Variants in FBXO45 observed in about 807,000 individuals in gnomAD.
FBXO45 encodes the protein F-box protein 45.
Under a neutral mutation model 25.5 loss-of-function variants are expected in FBXO45, and 3 were observed. The observed-to-expected ratio is 0.12, with a 90% CI of 0.05 to 0.30. The LOEUF (loss-of-function observed/expected upper bound fraction) is 0.30. Among genes scored for constraint, FBXO45 ranks in the 10% least tolerant of loss-of-function variants. The probability of loss-of-function intolerance (pLI) is 1.00; values close to 1 mark genes in which losing one functional copy is unlikely to be tolerated. For missense variants in FBXO45, 219 were observed against 365.0 expected (o/e 0.60, Z 3.26); for synonymous variants, 155 against 149.8 (o/e 1.03, Z -0.25).
At position 196,569,256 on chromosome 3, in the gene FBXO45, C is replaced by G; in HGVS notation, c.272C>G (p.Ala91Gly). Residue 91 changes from alanine to glycine, a missense_variant, in exon 1 of 3, where the codon GCT (alanine) becomes GGT (glycine). By Grantham distance (60) the Ala-to-Gly change is moderately conservative (BLOSUM62 0). This residue lies in a region of FBXO45 where 138 missense variants were observed against 157.3 expected (regional missense o/e 0.88). Coordinates refer to ENST00000311630, the MANE Select transcript of FBXO45 (RefSeq NM_001105573.2). The surrounding 1 kb of genome is among the most constrained non-coding windows in gnomAD (Gnocchi z 4.1). Reference sequence around the variant, plus strand: ...TGCGCCCGCAGCCTGGCAGAAGAGGCTCTGCGCACGGACATCCTGTGCAAC... The same window carrying G: ...TGCGCCCGCAGCCTGGCAGAAGAGGGTCTGCGCACGGACATCCTGTGCAAC... ...SLCARSLAEE[A>G]LRTDILCNLP... The G allele has an allele frequency of 6.3e-7, 1 of 1,585,688 alleles. No individual in the cohort carries two copies.
At chr3:196,575,968 C>T (rs1031499852) in intron 1 of FBXO45, among the ~76,000 whole-genome samples, 5 of 152,200 alleles carry the variant, frequency 3.3e-5, no homozygotes, top group Middle Eastern at 3.2e-3. Flanking sequence ...TGAGCCACCG[C>T]GCCCGGCCCC....
chr3:196,577,401 AT>A, intron 1 of FBXO45, 51 bp from the exon 2 acceptor site: 1 of 1,339,170 alleles, frequency 7.5e-7, no homozygotes, highest in African/African-American at 1.5e-5. Flanking sequence ...AATTTTTAAT[AT>A]TTAAGAAAAA....
In FBXO45 at chr3:196,569,273, C is replaced by A; in HGVS notation, c.289C>A (p.Leu97Met). Residue 97 changes from leucine to methionine, a missense_variant, in exon 1 of 3, where the codon CTG becomes ATG. Physicochemically the swap from Leu to Met is conservative, Grantham distance 15. Coordinates refer to ENST00000311630, the MANE Select transcript of FBXO45 (RefSeq NM_001105573.2). The surrounding 1 kb of genome is among the most constrained non-coding windows in gnomAD (Gnocchi z 4.1). ...AGAAGAGGCTCTGCGCACGGACATC[C>A]TGTGCAACCTGCCCAGCTACAAGGC... ...LAEEALRTDI[L>M]CNLPSYKAKI... The A allele has an allele frequency of 1.3e-6, 2 of 1,576,574 alleles. No homozygotes were observed. The highest frequency in any genetic ancestry group is 1.7e-6 in the Non-Finnish European group (2 of 1,160,352).
At chr3:196,570,712 C>CTTTTTTTTTTTTTT (rs71161937) in intron 1 of FBXO45, among the ~76,000 whole-genome samples, 1 of 99,864 alleles carries the variant, frequency 1.0e-5, no homozygotes, top group Non-Finnish European at 2.2e-5. Context: ...TTTCTTTTTT[C>CTTTTTTTTTTTTTT]TTTTTTTTTT....
rs555537885 is a variant in FBXO45, at chr3:196,588,633, ATTAT to A, written c.*4321_*4324del. The A allele has an allele frequency of 2.5e-4, 38 of 152,210 alleles. No homozygotes were observed. Among genetic ancestry groups the A allele is most frequent in the Non-Finnish European group, 4.9e-4 (33 of 68,002 alleles). 9.4% of individuals were successfully genotyped at this position (152,210 alleles called of 1,614,324 possible). ...ATACCTTGTTTAAAATTATTTATTG[ATTAT>A]TTATTGGTGTCATATCGCCCCTAAA... On this transcript the variant is annotated 3_prime_UTR_variant, in exon 3 of 3. Coordinates refer to ENST00000311630, the MANE Select transcript of FBXO45 (RefSeq NM_001105573.2). This position sits in a 1 kb window ranked among gnomAD's most constrained non-coding sequence, Gnocchi z 4.2.
chr3:196,582,082 C>T lies in FBXO45; in HGVS notation c.676-2051C>T, dbSNP rs1007892712. 2.0e-5 allele frequency among the ~76,000 whole-genome samples: 3 copies of T among 152,144 alleles called. No individual in the cohort carries two copies. The East Asian group carries it at 5.8e-4, about 29-fold the overall frequency. ...CTTCTGGAGTTCCTCCTCTAAGTTT[C>T]CAGTTGCTCTGCCATCTCCCCACGT... On this transcript the variant is annotated intron_variant, in intron 2 of 2. Coordinates refer to ENST00000311630, the MANE Select transcript of FBXO45 (RefSeq NM_001105573.2).
At chr3:196,570,705 CTTTTTTCTTTTTTTT>C (rs1277846197) in intron 1 of FBXO45, among the ~76,000 whole-genome samples, 1 of 136,322 alleles carries the variant, frequency 7.3e-6, no homozygotes, top group Non-Finnish European at 1.5e-5. Context: ...TTTCTCTTTT[CTTTTTTCTTTTTTTT>C]TTTTTTTTTG....
At chr3:196,572,780 ATAGG>A (rs1735849544) in intron 1 of FBXO45, among the ~76,000 whole-genome samples, 2 of 152,208 alleles carry the variant, frequency 1.3e-5, no homozygotes, top group East Asian at 3.8e-4. Context: ...CAATTAGGAA[ATAGG>A]TAGTGGAGGA....
chr3:196,578,139 C>G (rs148562390), intron 2 of FBXO45, among the ~76,000 whole-genome samples: 29 of 149,738 alleles, frequency 1.9e-4, no homozygotes, highest in African/African-American at 6.1e-4. Flanking sequence ...CTCCCAGGTT[C>G]AAGCAATTCT....
intron 1 of FBXO45, among the ~76,000 whole-genome samples, chr3:196,570,479 C>T (rs1165159802): frequency 6.6e-6 from 1 of 152,058 alleles, no homozygotes; most frequent in Non-Finnish European, 1.5e-5. Context: ...TCAGGTGATC[C>T]GCCCTCCTCG....
Position 196,569,869 on chromosome 3 carries a change from A to C in FBXO45, c.318+567A>C, listed in dbSNP as rs778032571. ...GTCATCCTGCTCACTTACAAGATAC[A>C]GGCTTTTATAGAACGTCCACGGGCA... On this transcript the variant is annotated intron_variant, in intron 1 of 2. Coordinates refer to ENST00000311630, the MANE Select transcript of FBXO45 (RefSeq NM_001105573.2). This position sits in a 1 kb window ranked among gnomAD's most constrained non-coding sequence, Gnocchi z 4.1. Among the ~76,000 whole-genome samples the C allele has an allele frequency of 2.6e-5, 4 of 152,316 alleles. No individual in the cohort carries two copies. Among genetic ancestry groups the C allele is most frequent in the Non-Finnish European group, 4.4e-5 (3 of 68,034 alleles).
At chr3:196,573,274 A>G (rs768694998) in intron 1 of FBXO45, among the ~76,000 whole-genome samples, 3 of 152,214 alleles carry the variant, frequency 2.0e-5, no homozygotes, top group Non-Finnish European at 2.9e-5. Context: ...CGCTAAAGAT[A>G]TAAAATAATA....
rs1736149482 is a variant in FBXO45 at position 196,587,158 on chromosome 3, T to G, written c.*2840T>G. On this transcript the variant is annotated 3_prime_UTR_variant, in exon 3 of 3. Transcript: ENST00000311630. ...AAGCAGACGTTACTATTATCCCTAC[T>G]ATGGTCTTCTGTCATACTGAGACAG... is the stretch of plus-strand genomic sequence containing the variant. 6.6e-6 allele frequency: 1 copy of G among 152,202 alleles called. No homozygotes were observed. The highest frequency in any genetic ancestry group is 1.5e-5 in the Non-Finnish European group (1 of 68,020). The allele number at this position is 152,202 out of a possible 1,614,324, so 9.4% of individuals were successfully genotyped here. A position where few individuals can be genotyped will look rare whatever the true frequency, so the allele number is the denominator to read the frequency against.
intron 1 of FBXO45, among the ~76,000 whole-genome samples, chr3:196,573,155 G>A (rs1476741761): frequency 4.6e-5 from 7 of 152,102 alleles, no homozygotes; most frequent in East Asian, 1.9e-4. Flanking sequence ...GCTAGGTTTC[G>A]AAGAAATGGC....
At chr3:196,574,673 C>G (rs1229629656) in intron 1 of FBXO45, among the ~76,000 whole-genome samples, 1 of 152,078 alleles carries the variant, frequency 6.6e-6, no homozygotes, top group African/African-American at 2.4e-5. Context: ...TTATTTTGTA[C>G]TAGACTCAGT....
At chr3:196,580,817 G>T (rs1488235122) in intron 2 of FBXO45, among the ~76,000 whole-genome samples, 1 of 143,524 alleles carries the variant, frequency 7.0e-6, no homozygotes, top group Non-Finnish European at 1.5e-5. Context: ...TGACACCTCG[G>T]CTGGAGTGGT....
At chr3:196,582,353 T>G (rs943253303) in intron 2 of FBXO45, among the ~76,000 whole-genome samples, 3 of 152,098 alleles carry the variant, frequency 2.0e-5, no homozygotes, top group Admixed American at 6.5e-5. Context: ...TAATATTTTG[T>G]TGGTAGGAGT....
chr3:196,574,095 C>T (rs1390260638), intron 1 of FBXO45, among the ~76,000 whole-genome samples: 3 of 151,982 alleles, frequency 2.0e-5, no homozygotes, highest in African/African-American at 7.3e-5. Flanking sequence ...CCACTACGTC[C>T]AGCTAATTTT....
At chr3:196,571,909 A>G (rs1264008180) in intron 1 of FBXO45, among the ~76,000 whole-genome samples, 3 of 152,258 alleles carry the variant, frequency 2.0e-5, no homozygotes, top group Non-Finnish European at 2.9e-5. Context: ...CAAATAGTCT[A>G]GTAGGAAATC....
Sources: allele counts gnomAD v4.1 joint callset (sites outside exome capture counted in the v4.1 genomes callset), GRCh38; gene constraint gnomAD v4.1.1; regional missense constraint gnomAD v4.1.1; non-coding constraint Gnocchi (gnomAD v3.1); transcripts MANE v1.5; gene names NCBI Gene and HGNC (gene_info 2026-07-23, HGNC 2026-07-21).